The following PPP1R1C variants were observed in gnomAD, a reference collection of about 807,000 sequenced individuals.
PPP1R1C encodes protein phosphatase 1 regulatory subunit 1C.
Under a neutral mutation model 17.4 loss-of-function variants are expected in PPP1R1C, and 15 were observed. That is an observed-to-expected ratio of 0.86 (90% CI 0.58 to 1.33). The LOEUF (loss-of-function observed/expected upper bound fraction) is 1.33, where lower values mean the gene tolerates loss of function less well. Among genes scored for constraint, PPP1R1C ranks in the 40% most tolerant of loss-of-function variants. The pLI, the probability that PPP1R1C is intolerant of heterozygous loss-of-function variation, is 0.00. For synonymous variants in PPP1R1C, 35 were observed against 43.1 expected (o/e 0.81, Z 0.73); for missense variants, 143 against 130.0 (o/e 1.10, Z -0.48).
At chr2:182,110,697 TA>T (rs1256397296) in intron 4 of PPP1R1C, among the ~76,000 whole-genome samples, 1 of 152,224 alleles carries the variant, frequency 6.6e-6, no homozygotes, top group Non-Finnish European at 1.5e-5. Context: ...ATTTTATTTT[TA>T]ATGCTTTCAA....
chr2:182,013,772 C>G (rs1176340056), intron 2 of PPP1R1C, among the ~76,000 whole-genome samples: 2 of 152,166 alleles, frequency 1.3e-5, no homozygotes, highest in Non-Finnish European at 2.9e-5. Context: ...AGCCTACCTT[C>G]AAGCTCACCA....
chr2:182,083,724 A>T (rs1374243305), intron 4 of PPP1R1C, among the ~76,000 whole-genome samples: 1 of 152,164 alleles, frequency 6.6e-6, no homozygotes, highest in Non-Finnish European at 1.5e-5. Flanking sequence ...TGTGATAAAC[A>T]CATGTGTACA....
At chr2:181,990,984 CTTTA>C (rs1330257193) in intron 2 of PPP1R1C, among the ~76,000 whole-genome samples, 6 of 152,134 alleles carry the variant, frequency 3.9e-5, no homozygotes, top group Non-Finnish European at 7.4e-5. Context: ...GCAAATCTTT[CTTTA>C]TTGTCAATTA....
rs138198406 is a variant in PPP1R1C at position 182,019,602 on chromosome 2, A to G, written c.142+31703A>G. ...CAGAGAATGGGTAAGTGTCTCATTC[A>G]GTTTTTACTTATAGCTCTTTTCCCC... On this transcript the variant is annotated intron_variant, in intron 2 of 4. Transcript: ENST00000682840. Among the ~76,000 whole-genome samples the G allele has an allele frequency of 3.5e-3, 529 of 152,328 alleles. 3 individuals are homozygous for G. The highest frequency in any genetic ancestry group is 0.012 in the African/African-American group (491 of 41,580).
intron 5 of PPP1R1C, among the ~76,000 whole-genome samples, chr2:182,123,610 T>G (rs559162561): frequency 6.6e-6 from 1 of 152,244 alleles, no homozygotes; most frequent in African/African-American, 2.4e-5. Context: ...CCAGTGATGA[T>G]GAGCTTTTTA....
At chr2:182,009,167 A>G (rs1173423720) in intron 2 of PPP1R1C, among the ~76,000 whole-genome samples, 1 of 152,124 alleles carries the variant, frequency 6.6e-6, no homozygotes, top group Non-Finnish European at 1.5e-5. Context: ...ACTGGGTCAT[A>G]TGATAGTTCT....
exon 6 of PPP1R1C, chr2:182,129,390 T>C (rs2125244565): frequency 6.6e-6 from 1 of 152,250 alleles, no homozygotes. Flanking sequence ...AATTCCACTG[T>C]GTTTATTTAT....
At chr2:182,040,147 C>A (rs1687138153) in intron 2 of PPP1R1C, among the ~76,000 whole-genome samples, 1 of 152,138 alleles carries the variant, frequency 6.6e-6, no homozygotes, top group South Asian at 2.1e-4. Context: ...ATATTCACTT[C>A]TTTTCCTTTG....
At position 181,961,947 on chromosome 2, in the gene PPP1R1C, C is replaced by T. The variant is rs1684806030; in HGVS notation, n.111+7313C>T. 1.4e-6 allele frequency: 1 copy of T among 739,560 alleles called. No homozygotes were observed. The highest frequency in any genetic ancestry group is 2.5e-6 in the Non-Finnish European group (1 of 401,612). The allele number at this position is 739,560 out of a possible 1,614,324, so 45.8% of individuals were successfully genotyped here. On this transcript the variant is annotated intron_variant and non_coding_transcript_variant, in intron 1 of 5. Coordinates refer to the PPP1R1C transcript ENST00000464264. This position sits in a 1 kb window ranked among gnomAD's most constrained non-coding sequence, Gnocchi z 5.8. Reference sequence around the variant, plus strand: ...TGGAGCCCATGGATGTCACTCCCCACAGACGGGTGCATGGCCAGCTCTGTC... The same window carrying T: ...TGGAGCCCATGGATGTCACTCCCCATAGACGGGTGCATGGCCAGCTCTGTC...
At chr2:181,980,927 G>GTTT (rs34675053), upstream of PPP1R1C, among the ~76,000 whole-genome samples, 10 of 135,766 alleles carry the variant, frequency 7.4e-5, no homozygotes, top group Non-Finnish European at 9.5e-5. Flanking sequence ...ATAAGGAGAA[G>GTTT]TTTTTTTTTT....
chr2:182,070,785 A>G (rs1688116926), intron 4 of PPP1R1C, among the ~76,000 whole-genome samples: 2 of 152,222 alleles, frequency 1.3e-5, no homozygotes, highest in African/African-American at 4.8e-5. Flanking sequence ...AGGAAGCATG[A>G]TGCTAGCACC....
chr2:182,091,283 A>G (rs1045164194), intron 4 of PPP1R1C, among the ~76,000 whole-genome samples: 6 of 152,328 alleles, frequency 3.9e-5, no homozygotes, highest in Admixed American at 2.0e-4. Flanking sequence ...TGAATACTTA[A>G]CAGTGGCAAA....
intron 2 of PPP1R1C, among the ~76,000 whole-genome samples, chr2:182,043,932 A>G (rs560015341): frequency 1.3e-5 from 2 of 152,282 alleles, no homozygotes; most frequent in South Asian, 2.1e-4. Context: ...CCACTTGGAT[A>G]ATCAGTAAGC....
At chr2:182,102,263 A>T (rs1298193425) in intron 4 of PPP1R1C, among the ~76,000 whole-genome samples, 1 of 152,174 alleles carries the variant, frequency 6.6e-6, no homozygotes. Flanking sequence ...AGCATCAAAG[A>T]CCTAATTTAT....
rs573620863 is a variant in PPP1R1C, at chr2:182,088,881, C to T, written c.241+25090C>T. Among the ~76,000 whole-genome samples the T allele has an allele frequency of 2.4e-4, 37 of 152,256 alleles. No homozygotes were observed. In the South Asian group the frequency reaches 3.5e-3, roughly 15 times the overall value. On this transcript the variant is annotated intron_variant, in intron 4 of 4. Coordinates refer to ENST00000682840, the MANE Select transcript of PPP1R1C (RefSeq NM_001080545.3). ...TGAATCACAATCATTCCCTGGTGCA[C>T]GCAACATTCCTTATTCAACATTCCT...
intron 2 of PPP1R1C, among the ~76,000 whole-genome samples, chr2:182,002,499 G>A (rs996141557): frequency 6.6e-6 from 1 of 151,856 alleles, no homozygotes; most frequent in Non-Finnish European, 1.5e-5. Context: ...TGTTTCCACA[G>A]AAGTTATTGG....
intron 2 of PPP1R1C, among the ~76,000 whole-genome samples, chr2:182,018,753 T>C (rs1332691666): frequency 6.6e-6 from 1 of 152,136 alleles, no homozygotes; most frequent in Admixed American, 6.6e-5. Flanking sequence ...TGGAATAGTG[T>C]AGGAACGAAT....
At chr2:181,954,790 C>T (rs1684643944) in intron 1 of PPP1R1C, among the ~76,000 whole-genome samples, 1 of 152,142 alleles carries the variant, frequency 6.6e-6, no homozygotes, top group Non-Finnish European at 1.5e-5. Flanking sequence ...TCTATGATAT[C>T]TTCGTATCTA....
intron 4 of PPP1R1C, among the ~76,000 whole-genome samples, chr2:182,073,023 T>G (rs1161758664): frequency 1.3e-5 from 2 of 152,228 alleles, no homozygotes; most frequent in African/African-American, 4.8e-5. Flanking sequence ...GCCACAGCCT[T>G]CTTTTTTCCA....
Sources: allele counts gnomAD v4.1 joint callset (sites outside exome capture counted in the v4.1 genomes callset), GRCh38; gene constraint gnomAD v4.1.1; non-coding constraint Gnocchi (gnomAD v3.1); transcripts MANE v1.5; gene names NCBI Gene and HGNC (gene_info 2026-07-23, HGNC 2026-07-21).